ABCC6: variants seen among roughly 807,000 people sequenced by gnomAD.
ABCC6 encodes the protein ATP-binding cassette sub-family C member 6.
Under a neutral mutation model 169.5 loss-of-function variants are expected in ABCC6, and 126 were observed. The ratio of observed to expected loss-of-function variants is 0.74; its 90% CI spans 0.64 to 0.86. The LOEUF is 0.86. Among genes scored for constraint, ABCC6 ranks in the 40% least tolerant of loss-of-function variants. The probability of loss-of-function intolerance (pLI) is 0.00; values close to 1 mark genes in which losing one functional copy is unlikely to be tolerated. For missense variants in ABCC6, 1,733 were observed against 1,927.2 expected (o/e 0.90, Z 1.89); for synonymous variants, 752 against 814.7 (o/e 0.92, Z 1.31).
chr16:16,203,599 A>G lies in ABCC6; in HGVS notation c.809T>C (p.Ile270Thr), dbSNP rs1350144480. 5.0e-6 allele frequency: 8 copies of G among 1,613,832 alleles called. No individual in the cohort carries two copies. The highest frequency in any genetic ancestry group is 5.9e-6 in the Non-Finnish European group (7 of 1,179,880). ...ACTGCCGCCTTTCCTTTTAAATGCT[A>G]TTGCCTTGTTGTGCCTGAGGGGAAG... ...RSAARRHNKA[I>T]AFKRKGGSGM... The change falls in exon 8 of 31, where the codon ATA becomes ACA. Residue 270 changes from isoleucine to threonine, a missense_variant. Ile to Thr is a moderately conservative substitution (Grantham distance 89). Coordinates refer to ENST00000205557, the MANE Select transcript of ABCC6 (RefSeq NM_001171.6).
chr16:16,179,905 T>C (rs979851416), intron 17 of ABCC6, among the ~76,000 whole-genome samples: 2 of 152,174 alleles, frequency 1.3e-5, no homozygotes, highest in East Asian at 3.8e-4. Flanking sequence ...TGTATTATTA[T>C]TGCATTGTAA....
Position 16,150,241 on chromosome 16 carries a change from C to G in ABCC6, c.4404G>C (p.Arg1468=). The change falls in exon 31 of 31, where the codon CGG becomes CGC. Residue 1468 remains arginine, a splice_region_variant and synonymous_variant. Transcript: ENST00000205557. The stretch of plus-strand genomic sequence containing the variant: ...CCTGCCCCTTGTCCATGACCAGAAC[C>G]CTGTGGGGGAGAGGGAGACAGAGAG... The part of the protein sequence containing the change: ...HRLRSVMDCA[R]VLVMDKGQVA... 6.2e-7 allele frequency: 1 copy of G among 1,613,972 alleles called. No homozygotes were observed. Among genetic ancestry groups the G allele is most frequent in the Non-Finnish European group, 8.5e-7 (1 of 1,180,006 alleles).
chr16:16,187,072 C>T (rs1187731551), intron 14 of ABCC6, 52 bp downstream of exon 14: 4 of 1,494,256 alleles, frequency 2.7e-6, no homozygotes, highest in South Asian at 1.2e-5. Context: ...GCTGGGGTGG[C>T]CCCCACATCC....
chr16:16,214,223 T>G, intron 5 of ABCC6, 101 bp downstream of exon 5: 1 of 1,545,336 alleles, frequency 6.5e-7, no homozygotes, highest in Non-Finnish European at 8.8e-7. Flanking sequence ...CACTTTTTGC[T>G]GAATGGCTAA....
rs928327177 is a variant in ABCC6, at chr16:16,198,199, A to G, written c.1177-17T>C. 2.5e-6 allele frequency: 4 copies of G among 1,575,222 alleles called. No homozygotes were observed. The highest frequency in any genetic ancestry group is 1.7e-4 in the Middle Eastern group (1 of 6,002). ...AGCCAGGACCTGGCGGGTGGGCAGA[A>G]GGAGAGAAGTAAAGTGGGGAGGCCG... On this transcript the variant is annotated splice_polypyrimidine_tract_variant and intron_variant, in intron 9 of 30. Coordinates refer to ENST00000205557, the MANE Select transcript of ABCC6 (RefSeq NM_001171.6).
chr16:16,157,918 A>G, intron 26 of ABCC6, 109 bp from the exon 27 acceptor site: 1 of 1,238,174 alleles, frequency 8.1e-7, no homozygotes, highest in African/African-American at 1.5e-5. Context: ...GGACGTATTT[A>G]TTGCTGTTTT....
chr16:16,165,546 T>C (rs1334875238), intron 23 of ABCC6, 77 bp downstream of exon 23: 1 of 1,524,744 alleles, frequency 6.6e-7, no homozygotes, highest in East Asian at 2.3e-5. Flanking sequence ...ACCTCATATA[T>C]GGAGTCTTCC....
At chr16:16,164,743 G>A (rs1048230282) in intron 23 of ABCC6, among the ~76,000 whole-genome samples, 1 of 152,100 alleles carries the variant, frequency 6.6e-6, no homozygotes, top group African/African-American at 2.4e-5. Flanking sequence ...CTAGATTCAT[G>A]GGCCGACCCA....
chr16:16,205,129 C>T lies in ABCC6; in HGVS notation c.795-1516G>A, dbSNP rs555543960. Among the ~76,000 whole-genome samples the T allele has an allele frequency of 5.9e-5, 9 of 152,284 alleles. No individual in the cohort carries two copies. In the East Asian group the frequency reaches 1.5e-3, roughly 26 times the overall value. On this transcript the variant is annotated intron_variant, in intron 7 of 30. Transcript: ENST00000205557. ...GGGATTACAGGTGTGAGCCACCATG[C>T]CCGGCCACTTATCAGTAATTTCAAT...
chr16:16,149,881 G>A lies in ABCC6; in HGVS notation c.*252C>T, dbSNP rs2046340070. 2.0e-5 allele frequency: 12 copies of A among 588,418 alleles called. No individual in the cohort carries two copies. The highest frequency in any genetic ancestry group is 1.9e-4 in the South Asian group (10 of 53,480). 36.4% of individuals were successfully genotyped at this position (588,418 alleles called of 1,614,324 possible). A position where few individuals can be genotyped will look rare whatever the true frequency, so the allele number is the denominator to read the frequency against. On this transcript the variant is annotated 3_prime_UTR_variant, in exon 31 of 31. Coordinates refer to ENST00000205557, the MANE Select transcript of ABCC6 (RefSeq NM_001171.6). ...CCAGAGTACAGCGGGGCTGAGAGTCGCTGTTGACATTGGCTGCAGGGTGGA... is the reference window on the plus strand; with the variant it reads ...CCAGAGTACAGCGGGGCTGAGAGTCACTGTTGACATTGGCTGCAGGGTGGA...
intron 12 of ABCC6, among the ~76,000 whole-genome samples, chr16:16,189,788 A>G (rs896434817): frequency 6.6e-6 from 1 of 152,124 alleles, no homozygotes; most frequent in Non-Finnish European, 1.5e-5. Context: ...AAATTACAGA[A>G]TGGCAGGACA....
chr16:16,173,789 A>G (rs556668976), intron 20 of ABCC6, among the ~76,000 whole-genome samples: 5 of 150,826 alleles, frequency 3.3e-5, no homozygotes, highest in Non-Finnish European at 7.4e-5. Flanking sequence ...TCAGCCTCCC[A>G]AAGTGCTGGG....
chr16:16,220,018 T>C, intron 2 of ABCC6, 71 bp from the exon 3 acceptor site: 15 of 1,525,072 alleles, frequency 9.8e-6, no homozygotes, highest in Middle Eastern at 2.3e-4. Context: ...GGCGGCCCCA[T>C]GTCCAACTGG....
rs761847996 is a variant in ABCC6, at chr16:16,190,222, C to T, written c.1577G>A (p.Arg526Gln). The T allele has an allele frequency of 3.3e-5, 54 of 1,613,890 alleles. No homozygotes were observed. The highest frequency in any genetic ancestry group is 5.5e-5 in the South Asian group (5 of 91,068). Residue 526 changes from arginine (R) to glutamine (Q), a missense_variant, in exon 12 of 31, where the codon CGG becomes CAG. Arg to Gln is a conservative substitution (Grantham distance 43). This residue lies in a region of ABCC6 where 1,601 missense variants were observed against 1,635.5 expected (regional missense o/e 0.98). Coordinates refer to ENST00000205557, the MANE Select transcript of ABCC6 (RefSeq NM_001171.6). Reference protein sequence around the residue: ...GIRGQELGALRTSGLLFSVSL... With the variant: ...GIRGQELGALQTSGLLFSVSL... ...CACAGAGAAGAGGAGGCCGGAGGTC[C>T]GCAAGGCGCCCAGCTCCTGGCCTCG...
In ABCC6 at chr16:16,202,083, A is replaced by G. The variant is rs1064794607; in HGVS notation, c.1094T>C (p.Leu365Pro). Residue 365 changes from leucine to proline, a missense_variant, in exon 9 of 31, where the codon CTG becomes CCG. Leu to Pro is a moderately conservative substitution (Grantham distance 98). This residue lies in a region of ABCC6 where 1,601 missense variants were observed against 1,635.5 expected (regional missense o/e 0.98). Coordinates refer to ENST00000205557, the MANE Select transcript of ABCC6 (RefSeq NM_001171.6). ...LMFLSACLQT[L>P]FEQQNMYRLK... ...CCTGTACATGTTCTGCTGCTCAAAC[A>G]GCGTTTGCAGGCAGGCTGAGAGGAA... 36 of 1,614,012 alleles carry G rather than the reference A, an allele frequency of 2.2e-5. No homozygotes were observed. Among genetic ancestry groups the G allele is most frequent in the Non-Finnish European group, 3.1e-5 (36 of 1,179,880 alleles).
At chr16:16,175,739 G>C (rs1470913726) in intron 20 of ABCC6, among the ~76,000 whole-genome samples, 172 bp downstream of exon 20, 1 of 149,354 alleles carries the variant, frequency 6.7e-6, no homozygotes, top group Non-Finnish European at 1.5e-5. Flanking sequence ...TGGCTAACTG[G>C]ACCAATTTTG....
intron 9 of ABCC6, among the ~76,000 whole-genome samples, chr16:16,199,489 G>A (rs898050932): frequency 7.9e-6 from 1 of 127,306 alleles, no homozygotes; most frequent in Non-Finnish European, 1.8e-5. Flanking sequence ...CTGGTTCTCT[G>A]GCAGCCTCAC....
intron 9 of ABCC6, 114 bp from the exon 10 acceptor site, chr16:16,198,296 T>A: frequency 8.4e-7 from 1 of 1,190,680 alleles, no homozygotes; most frequent in Non-Finnish European, 1.2e-6. Context: ...GGTGGGTGAG[T>A]AAAGTCTCTT....
At chr16:16,211,241 A>C (rs2152292677) in intron 6 of ABCC6, among the ~76,000 whole-genome samples, 1 of 151,920 alleles carries the variant, frequency 6.6e-6, no homozygotes, top group East Asian at 1.9e-4. Context: ...GTCTCTACTA[A>C]AAATACAAAA....
Sources: gnomAD v4.1 joint callset for allele counts (sites outside exome capture counted in the v4.1 genomes callset) on GRCh38, gnomAD v4.1.1 for gene constraint, gnomAD v4.1.1 regional missense constraint, MANE v1.5 for transcripts, NCBI Gene and HGNC (gene_info 2026-07-23, HGNC 2026-07-21) for gene names.